Variants in NTNG1 observed in about 807,000 individuals in gnomAD.
NTNG1 encodes the protein netrin-G1.
NTNG1 carries 16 observed loss-of-function variants against 54.0 expected under a neutral mutation model. That is an observed-to-expected ratio of 0.30 (90% CI 0.20 to 0.45). The LOEUF (loss-of-function observed/expected upper bound fraction) is 0.45, where lower values mean the gene tolerates loss of function less well. Among genes scored for constraint, NTNG1 ranks in the 20% least tolerant of loss-of-function variants. The pLI, the probability that NTNG1 is intolerant of heterozygous loss-of-function variation, is 1.00. For missense variants in NTNG1, 530 were observed against 678.7 expected (o/e 0.78, Z 2.43); for synonymous variants, 255 against 263.1 (o/e 0.97, Z 0.30).
In NTNG1 at chr1:107,328,247, C is replaced by T. The variant is rs1051148743; in HGVS notation, c.887+3325C>T. Among the ~76,000 whole-genome samples the T allele has an allele frequency of 7.2e-5, 11 of 152,204 alleles. No homozygotes were observed. The East Asian group carries it at 1.7e-3, about 24-fold the overall frequency. ...ATGGATGTCCTGCTTCAGTAAATCA[C>T]GGTGATTTTCTCCAGTGAATAACAG... is the stretch of plus-strand genomic sequence containing the variant. On this transcript the variant is annotated intron_variant, in intron 3 of 7. Coordinates refer to ENST00000370068, the MANE Select transcript of NTNG1 (RefSeq NM_001113226.3).
rs183626068 is a variant in NTNG1, at chr1:107,291,524, C to T, written c.247-32758C>T. Among the ~76,000 whole-genome samples the T allele has an allele frequency of 4.6e-3, 702 of 151,902 alleles. 1 individual carries two copies. Among genetic ancestry groups the T allele is most frequent in the African/African-American group, 6.7e-3 (278 of 41,454 alleles). On this transcript the variant is annotated intron_variant, in intron 2 of 7. Coordinates refer to ENST00000370068, the MANE Select transcript of NTNG1 (RefSeq NM_001113226.3). ...GCCTAGACAAATATGTATGTGTGTA[C>T]GTGTGTGTGTTTTTCATAAATGTAT...
At chr1:107,187,793 TGCAGAAGCAAGG>T (rs1186493709) in intron 2 of NTNG1, among the ~76,000 whole-genome samples, 1 of 152,106 alleles carries the variant, frequency 6.6e-6, no homozygotes, top group Non-Finnish European at 1.5e-5. Flanking sequence ...ACACATATGA[TGCAGAAGCAAGG>T]GCAGAATGAC....
chr1:107,431,441 C>T (rs1675259922), intron 6 of NTNG1, among the ~76,000 whole-genome samples: 1 of 152,122 alleles, frequency 6.6e-6, no homozygotes, highest in African/African-American at 2.4e-5. Flanking sequence ...ACTTCTTCAT[C>T]CATAGCAATG....
chr1:107,310,641 A>T (rs1354497530), intron 2 of NTNG1, among the ~76,000 whole-genome samples: 1 of 152,176 alleles, frequency 6.6e-6, no homozygotes, highest in Non-Finnish European at 1.5e-5. Context: ...AACTTGGACA[A>T]GCACAATTTT....
At chr1:107,225,450 A>G (rs1570900729) in intron 2 of NTNG1, among the ~76,000 whole-genome samples, 1 of 152,178 alleles carries the variant, frequency 6.6e-6, no homozygotes, top group South Asian at 2.1e-4. Flanking sequence ...AGTTTTGTGT[A>G]TAGTTCAGAC....
At position 107,261,801 on chromosome 1, in the gene NTNG1, C is replaced by T. The variant is rs980367015; in HGVS notation, c.247-62481C>T. ...GAGCTTGCAGTGAGCTGAGATCGCA[C>T]CACTGCACTCCAGCCTGGGCGACAG... On this transcript the variant is annotated intron_variant, in intron 2 of 7. Coordinates refer to ENST00000370068, the MANE Select transcript of NTNG1 (RefSeq NM_001113226.3). Among the ~76,000 whole-genome samples the T allele has an allele frequency of 5.1e-4, 77 of 151,598 alleles. 1 individual carries two copies. Among genetic ancestry groups the T allele is most frequent in the Non-Finnish European group, 9.1e-4 (62 of 68,004 alleles).
rs1662983461 is a variant in NTNG1, at chr1:107,257,099, CA to C, written c.247-67177del. Reference sequence around the variant, plus strand: ...CTAAATTAGAAAGGTAAATATGCTCCAAAAAATAATGGTAAACAATATTAAA... The same window carrying C: ...CTAAATTAGAAAGGTAAATATGCTCCAAAAATAATGGTAAACAATATTAAA... On this transcript the variant is annotated intron_variant, in intron 2 of 7. Transcript: ENST00000370068. Among the ~76,000 whole-genome samples the C allele has an allele frequency of 2.0e-5, 3 of 151,990 alleles. 1 individual carries two copies. The highest frequency in any genetic ancestry group is 2.1e-4 in the South Asian group (1 of 4,798).
At chr1:107,480,024 C>T (rs554979207) in intron 7 of NTNG1, among the ~76,000 whole-genome samples, 1 of 152,110 alleles carries the variant, frequency 6.6e-6, no homozygotes, top group African/African-American at 2.4e-5. Flanking sequence ...CAAGCTTTCT[C>T]TCTTCCCATC....
At chr1:107,350,895 T>C (rs1669558595) in intron 3 of NTNG1, among the ~76,000 whole-genome samples, 2 of 152,062 alleles carry the variant, frequency 1.3e-5, no homozygotes, top group Admixed American at 1.3e-4. Context: ...GTTATGCAGG[T>C]TGAATAAGTT....
chr1:107,372,469 G>A (rs1670978759), intron 3 of NTNG1, among the ~76,000 whole-genome samples: 1 of 151,858 alleles, frequency 6.6e-6, no homozygotes, highest in African/African-American at 2.4e-5. Context: ...AATATTTGGG[G>A]ATGTTTCAGA....
At chr1:107,264,525 A>AT (rs1453510674) in intron 2 of NTNG1, among the ~76,000 whole-genome samples, 1 of 152,114 alleles carries the variant, frequency 6.6e-6, no homozygotes, top group African/African-American at 2.4e-5. Context: ...TTTTCCTTTC[A>AT]TTTTTTATAA....
At chr1:107,442,552 A>T (rs545490638) in intron 7 of NTNG1, among the ~76,000 whole-genome samples, 9 of 152,296 alleles carry the variant, frequency 5.9e-5, no homozygotes, top group African/African-American at 1.7e-4. Context: ...AGATGGTATA[A>T]GGCTGTGCTG....
chr1:107,303,660 C>G (rs35064116), intron 2 of NTNG1, among the ~76,000 whole-genome samples: 31,194 of 151,822 alleles, frequency 0.21, 3,924 homozygotes, highest in Non-Finnish European at 0.28. Flanking sequence ...CATTTTAACA[C>G]TTCTCTAATG....
intron 2 of NTNG1, among the ~76,000 whole-genome samples, chr1:107,209,277 CTT>C (rs897213891): frequency 2.0e-5 from 3 of 151,716 alleles, no homozygotes; most frequent in African/African-American, 7.3e-5. Flanking sequence ...ACAGATTTGA[CTT>C]TTTTTGGTCT....
chr1:107,462,978 A>G lies in NTNG1; in HGVS notation c.1391-17633A>G, dbSNP rs370068334. On this transcript the variant is annotated intron_variant, in intron 7 of 7. Coordinates refer to ENST00000370068, the MANE Select transcript of NTNG1 (RefSeq NM_001113226.3). ...TCTGTGTGACTCCACAATCCTTGCA[A>G]TTTCTCCCATACAGTGGGGAAGAGA... 7.9e-5 allele frequency among the ~76,000 whole-genome samples: 12 copies of G among 152,288 alleles called. No homozygotes were observed. In the South Asian group the frequency reaches 2.5e-3, roughly 32 times the overall value.
At chr1:107,159,804 G>A (rs1338953753) in intron 2 of NTNG1, among the ~76,000 whole-genome samples, 2 of 152,158 alleles carry the variant, frequency 1.3e-5, no homozygotes, top group Non-Finnish European at 2.9e-5. Context: ...CAGAGTGTAT[G>A]GAAGGTTGAA....
intron 2 of NTNG1, among the ~76,000 whole-genome samples, chr1:107,151,244 C>A (rs1376375645): frequency 6.6e-6 from 1 of 152,150 alleles, no homozygotes; most frequent in African/African-American, 2.4e-5. Context: ...AATACAGCAA[C>A]ACATTCACTC....
intron 2 of NTNG1, among the ~76,000 whole-genome samples, chr1:107,208,840 G>T (rs547047218): frequency 5.3e-5 from 8 of 152,144 alleles, no homozygotes; most frequent in Middle Eastern, 3.4e-3. Flanking sequence ...CTTCAACCAC[G>T]CTCACAGCTT....
intron 5 of NTNG1, among the ~76,000 whole-genome samples, chr1:107,425,726 T>C (rs557429861): frequency 6.6e-6 from 1 of 152,238 alleles, no homozygotes; most frequent in East Asian, 1.9e-4. Context: ...AAATGACAGT[T>C]CTATTTTTAG....
Sources: gnomAD v4.1 joint callset for allele counts (sites outside exome capture counted in the v4.1 genomes callset) on GRCh38, gnomAD v4.1.1 for gene constraint, MANE v1.5 for transcripts, NCBI Gene and HGNC (gene_info 2026-07-23, HGNC 2026-07-21) for gene names.